Variants in HNRNPC observed in about 807,000 individuals in gnomAD.
HNRNPC encodes the protein heterogeneous nuclear ribonucleoproteins C1/C2.
A neutral mutation model predicts 33.2 loss-of-function variants in HNRNPC; 3 were observed. The ratio of observed to expected loss-of-function variants is 0.09; its 90% CI spans 0.04 to 0.23. The LOEUF is 0.23. Among genes scored for constraint, HNRNPC ranks in the 10% least tolerant of loss-of-function variants. The probability of loss-of-function intolerance (pLI) is 1.00; values close to 1 mark genes in which losing one functional copy is unlikely to be tolerated. For synonymous variants in HNRNPC, 121 were observed against 126.7 expected (o/e 0.96, Z 0.30); for missense variants, 143 against 366.7 (o/e 0.39, Z 4.98).
intron 4 of HNRNPC, 114 bp from the exon 5 acceptor site, chr14:21,230,480 G>C: frequency 2.8e-6 from 2 of 711,892 alleles, no homozygotes; most frequent in Admixed American, 2.2e-5. Context: ...AACAAGATTA[G>C]CACTGAATGA....
At chr14:21,253,501 G>GT in intron 2 of HNRNPC, among the ~76,000 whole-genome samples, 1 of 144,188 alleles carries the variant, frequency 6.9e-6, no homozygotes, top group Non-Finnish European at 1.5e-5. Flanking sequence ...CACCAAAGAT[G>GT]TGCATGCACC....
rs567220634 is a variant in HNRNPC, at chr14:21,225,392, A to C, written c.365+4927T>G. ...GGTTGCAGTGAGCCGAGATCGAGCC[A>C]CTGCACTCCAGCCTGGGCAATAGAG... On this transcript the variant is annotated intron_variant, in intron 5 of 8. Coordinates refer to ENST00000553300, the MANE Select transcript of HNRNPC (RefSeq NM_004500.4). Among the ~76,000 whole-genome samples the C allele has an allele frequency of 5.1e-3, 771 of 151,998 alleles. 7 individuals carry two copies. The highest frequency in any genetic ancestry group is 8.3e-3 in the Non-Finnish European group (566 of 67,988).
At chr14:21,250,369 G>C (rs968617205) in intron 2 of HNRNPC, among the ~76,000 whole-genome samples, 1 of 152,066 alleles carries the variant, frequency 6.6e-6, no homozygotes, top group Non-Finnish European at 1.5e-5. Flanking sequence ...CCTGGTGGAA[G>C]GTATATTAAG....
At chr14:21,249,605 A>AC (rs1566634057) in intron 2 of HNRNPC, among the ~76,000 whole-genome samples, 6 of 150,930 alleles carry the variant, frequency 4.0e-5, no homozygotes, top group African/African-American at 7.3e-5. Context: ...AAAAAAAAAA[A>AC]AAAAAAAAAA....
intron 1 of HNRNPC, chr14:21,264,194 T>C (rs1293694536): frequency 6.6e-6 from 1 of 152,192 alleles, no homozygotes; most frequent in Non-Finnish European, 1.5e-5. Flanking sequence ...TTATAAAACC[T>C]AAGCAGATTC....
intron 5 of HNRNPC, among the ~76,000 whole-genome samples, chr14:21,214,707 T>C (rs1054747748): frequency 2.2e-4 from 34 of 152,232 alleles, no homozygotes; most frequent in African/African-American, 8.0e-4. Flanking sequence ...TACTTTCCCA[T>C]TTTGACATAA....
chr14:21,232,557 G>A (rs538606491), intron 3 of HNRNPC, among the ~76,000 whole-genome samples: 7 of 152,022 alleles, frequency 4.6e-5, no homozygotes, highest in Non-Finnish European at 5.9e-5. Context: ...TAATAGAGAT[G>A]GCTTTTCACG....
chr14:21,213,991 T>G (rs1218454110), intron 5 of HNRNPC, among the ~76,000 whole-genome samples: 1 of 152,214 alleles, frequency 6.6e-6, no homozygotes, highest in Admixed American at 6.5e-5. Flanking sequence ...TTGGTACACT[T>G]ACATTTGTAA....
At chr14:21,268,733 G>A (rs1049546869) in intron 1 of HNRNPC, 9 of 152,162 alleles carry the variant, frequency 5.9e-5, no homozygotes, top group African/African-American at 2.2e-4. Context: ...TTTTACAAAT[G>A]TAAGTGAAAA....
intron 5 of HNRNPC, among the ~76,000 whole-genome samples, chr14:21,224,820 G>A (rs1391537187): frequency 6.6e-6 from 1 of 152,130 alleles, no homozygotes; most frequent in Admixed American, 6.5e-5. Flanking sequence ...TCTTTGACCT[G>A]TGAGTTCTTG....
intron 2 of HNRNPC, among the ~76,000 whole-genome samples, chr14:21,242,772 A>T (rs191616730): frequency 2.6e-5 from 4 of 152,192 alleles, no homozygotes; most frequent in Non-Finnish European, 4.4e-5. Flanking sequence ...ACGCATTATC[A>T]CCTACGCATT....
At position 21,219,890 on chromosome 14, in the gene HNRNPC, CA is replaced by C. The variant is rs528389522; in HGVS notation, c.366-6774del. Among the ~76,000 whole-genome samples the C allele has an allele frequency of 2.4e-3, 373 of 152,346 alleles. 2 individuals are homozygous for C. Among genetic ancestry groups the C allele is most frequent in the Middle Eastern group, 0.014 (4 of 294 alleles). Reference sequence around the variant, plus strand: ...TCCCAATCACTGTCACTGTAAATTCCATAATTCCAGTTGTCCAGACAAAAAC... The same window carrying C: ...TCCCAATCACTGTCACTGTAAATTCCTAATTCCAGTTGTCCAGACAAAAAC... On this transcript the variant is annotated intron_variant, in intron 5 of 8. Coordinates refer to ENST00000553300, the MANE Select transcript of HNRNPC (RefSeq NM_004500.4).
intron 4 of HNRNPC, chr14:21,230,774 G>T: frequency 1.9e-6 from 1 of 527,430 alleles, no homozygotes; most frequent in South Asian, 3.5e-5. Flanking sequence ...AAAACCTCAG[G>T]GATTTTTAAT....
chr14:21,242,647 G>GA (rs1317449773), intron 2 of HNRNPC, among the ~76,000 whole-genome samples: 22 of 152,168 alleles, frequency 1.4e-4, no homozygotes, highest in Non-Finnish European at 1.5e-5. Context: ...TACATAGGGG[G>GA]AAAATGTATC....
At chr14:21,220,714 G>A (rs985203597) in intron 5 of HNRNPC, among the ~76,000 whole-genome samples, 2 of 152,058 alleles carry the variant, frequency 1.3e-5, no homozygotes, top group African/African-American at 4.8e-5. Flanking sequence ...GCCAGGATTG[G>A]TGTTTTGATT....
intron 2 of HNRNPC, among the ~76,000 whole-genome samples, chr14:21,237,068 AGTTTC>A (rs1450821720): frequency 1.3e-5 from 2 of 152,232 alleles, no homozygotes; most frequent in Non-Finnish European, 2.9e-5. Flanking sequence ...AAAACTTAGA[AGTTTC>A]ACCTGCTCCA....
chr14:21,244,430 A>G (rs1383379705), intron 2 of HNRNPC, among the ~76,000 whole-genome samples: 2 of 152,192 alleles, frequency 1.3e-5, no homozygotes, highest in Non-Finnish European at 2.9e-5. Flanking sequence ...ATGTCATTTA[A>G]TTTCCCCCGA....
intron 2 of HNRNPC, among the ~76,000 whole-genome samples, chr14:21,248,437 A>G (rs144835010): frequency 2.0e-5 from 3 of 152,318 alleles, no homozygotes; most frequent in African/African-American, 7.2e-5. Context: ...TATCTGTAAA[A>G]TGAGTATCAT....
chr14:21,211,972 T>A (rs1891654583), intron 6 of HNRNPC, 49 bp from the exon 7 acceptor site: 23 of 1,434,436 alleles, frequency 1.6e-5, no homozygotes, highest in Non-Finnish European at 2.3e-5. Flanking sequence ...ACCGAAGATA[T>A]GAGTTAGCAA....
Sources: allele counts gnomAD v4.1 joint callset (sites outside exome capture counted in the v4.1 genomes callset), GRCh38; gene constraint gnomAD v4.1.1; transcripts MANE v1.5; gene names NCBI Gene and HGNC (gene_info 2026-07-23, HGNC 2026-07-21).